Variants in ANAPC1 observed in about 807,000 individuals in gnomAD.
ANAPC1 encodes the protein anaphase-promoting complex subunit 1.
A neutral mutation model predicts 208.0 loss-of-function variants in ANAPC1; 36 were observed. The observed-to-expected ratio is 0.17, with a 90% CI of 0.13 to 0.23. The LOEUF is 0.23. Ranked by LOEUF, ANAPC1 falls within the 10% of genes least tolerant of loss-of-function variation. ANAPC1 has a pLI of 1.00. For missense variants in ANAPC1, 942 were observed against 2,011.6 expected, an observed-to-expected ratio of 0.47 and a Z score of 10.17; for synonymous variants, 378 against 695.2, an observed-to-expected ratio of 0.54 and a Z score of 7.18.
At chr2:111,848,991 C>T (rs1681242426) in intron 14 of ANAPC1, among the ~76,000 whole-genome samples, 1 of 152,236 alleles carries the variant, frequency 6.6e-6, no homozygotes, top group African/African-American at 2.4e-5. Context: ...TTACTATCTA[C>T]ATGCAGATGC....
intron 24 of ANAPC1, among the ~76,000 whole-genome samples, chr2:111,823,134 C>A (rs868670915): frequency 6.7e-6 from 1 of 149,170 alleles, no homozygotes; most frequent in Admixed American, 6.7e-5. Context: ...CTCAGCCTCC[C>A]GAGTAGCTGG....
At chr2:111,852,332 A>G (rs1681449178) in intron 13 of ANAPC1, among the ~76,000 whole-genome samples, 1 of 151,054 alleles carries the variant, frequency 6.6e-6, no homozygotes. Flanking sequence ...AGGCTTTCAA[A>G]GTGCCTATAA....
intron 38 of ANAPC1, among the ~76,000 whole-genome samples, chr2:111,791,002 G>A (rs1464797337): frequency 1.3e-5 from 2 of 152,192 alleles, no homozygotes; most frequent in Non-Finnish European, 2.9e-5. Context: ...GCACGGCAGT[G>A]TGAATATAAT....
Position 111,827,157 on chromosome 2 carries a change from A to C in ANAPC1, c.2626-1302T>G, listed in dbSNP as rs1679881507. On this transcript the variant is annotated intron_variant, in intron 21 of 47. Transcript: ENST00000341068. Reference sequence around the variant, plus strand: ...GTTATTTTCAGTCATTCCAACAGGTATCGAATAGTGCTCTCTCACTATCTA... The same window carrying C: ...GTTATTTTCAGTCATTCCAACAGGTCTCGAATAGTGCTCTCTCACTATCTA... Among the ~76,000 whole-genome samples, 3 of 152,288 alleles carry C rather than the reference A, an allele frequency of 2.0e-5. No homozygotes were observed. In the East Asian group the frequency reaches 5.8e-4, roughly 29 times the overall value.
chr2:111,812,596 T>C (rs1679049114), intron 28 of ANAPC1, among the ~76,000 whole-genome samples: 1 of 147,158 alleles, frequency 6.8e-6, no homozygotes, highest in African/African-American at 2.5e-5. Context: ...GAGGCTTTAA[T>C]TAAACACCCA....
chr2:111,850,733 T>TA (rs1681344347), intron 14 of ANAPC1, 43 bp downstream of exon 14: 1 of 1,591,686 alleles, frequency 6.3e-7, no homozygotes. Context: ...CAAACTTCTT[T>TA]AAAAAATGTT....
chr2:111,774,660 TA>T (rs58590453), intron 46 of ANAPC1, among the ~76,000 whole-genome samples: 96 of 4,460 alleles, frequency 0.022, 2 homozygotes, highest in African/African-American at 0.052. Flanking sequence ...TGACAAGTCT[TA>T]AAAAAAAAAA....
intron 15 of ANAPC1, 80 bp downstream of exon 15, chr2:111,847,645 T>C (rs1240220353): frequency 7.5e-7 from 1 of 1,330,144 alleles, no homozygotes; most frequent in Non-Finnish European, 9.8e-7. Flanking sequence ...TTGTTGTCAT[T>C]TTTCAGACAA....
At chr2:111,781,171 T>C (rs373184066) in intron 43 of ANAPC1, among the ~76,000 whole-genome samples, 6,652 of 146,434 alleles carry the variant, frequency 0.045, 167 homozygotes, top group Middle Eastern at 0.098. Context: ...TATTTTCCAC[T>C]GAGGTTTATA....
intron 17 of ANAPC1, among the ~76,000 whole-genome samples, chr2:111,842,201 T>C (rs1211339717): frequency 1.3e-5 from 2 of 152,236 alleles, no homozygotes; most frequent in Non-Finnish European, 2.9e-5. Context: ...AAATTTTTAA[T>C]GATACGGGAA....
chr2:111,773,284 C>T (rs1374440936), intron 46 of ANAPC1, among the ~76,000 whole-genome samples: 1 of 152,182 alleles, frequency 6.6e-6, no homozygotes, highest in Non-Finnish European at 1.5e-5. Context: ...AGAAGCAACT[C>T]TATTCTTCCT....
At chr2:111,770,201 TTATATATA>T (rs3055943) in intron 47 of ANAPC1, among the ~76,000 whole-genome samples, 18,489 of 81,506 alleles carry the variant, frequency 0.23, 1,611 homozygotes, top group Middle Eastern at 0.29. Context: ...TTGTTTAATT[TTATATATA>T]TATATATATA....
chr2:111,826,228 A>C (rs188474576), intron 21 of ANAPC1, among the ~76,000 whole-genome samples: 31 of 152,288 alleles, frequency 2.0e-4, no homozygotes, highest in African/African-American at 7.5e-4. Context: ...ATAACATAGA[A>C]TAATTCATCC....
rs1431437666 is a variant in ANAPC1, at chr2:111,799,013, G to A, written c.4296+1784C>T. Among the ~76,000 whole-genome samples, 10 of 150,024 alleles carry A rather than the reference G, an allele frequency of 6.7e-5. No individual in the cohort carries two copies. The South Asian group carries it at 1.5e-3, about 22-fold the overall frequency. ...CACACCACTGCACTCCAGCCTGGGC[G>A]ACAGAGCAAGACTCCATCTCAAAAA... On this transcript the variant is annotated intron_variant, in intron 34 of 47. Coordinates refer to ENST00000341068, the MANE Select transcript of ANAPC1 (RefSeq NM_022662.4).
At chr2:111,775,736 T>C (rs1341659994) in intron 46 of ANAPC1, among the ~76,000 whole-genome samples, 3 of 152,058 alleles carry the variant, frequency 2.0e-5, no homozygotes, top group Non-Finnish European at 4.4e-5. Context: ...TCTGCAAAGA[T>C]TTAAGGAAGT....
At chr2:111,864,449 C>CATATAT (rs57591480) in intron 8 of ANAPC1, among the ~76,000 whole-genome samples, 6,446 of 95,628 alleles carry the variant, frequency 0.067, 645 homozygotes, top group South Asian at 0.16. Context: ...ACTACTCTTT[C>CATATAT]ATATATATAT....
chr2:111,794,005 T>C (rs1573338997), intron 37 of ANAPC1, 73 bp downstream of exon 37: 1 of 946,128 alleles, frequency 1.1e-6, no homozygotes, highest in East Asian at 2.8e-5. Flanking sequence ...TGATAACACA[T>C]AAGTAACTGG....
intron 22 of ANAPC1, 70 bp from the exon 23 acceptor site, chr2:111,825,237 A>T (rs1679770939): frequency 6.4e-7 from 1 of 1,565,178 alleles, no homozygotes; most frequent in Non-Finnish European, 8.7e-7. Context: ...ACATGTAGAA[A>T]ACATTTGAAA....
chr2:111,862,927 A>C (rs1682157846), intron 9 of ANAPC1, among the ~76,000 whole-genome samples: 1 of 152,144 alleles, frequency 6.6e-6, no homozygotes, highest in African/African-American at 2.4e-5. Context: ...ATTTATCAAC[A>C]AAACAATGTC....
Sources: allele counts gnomAD v4.1 joint callset (sites outside exome capture counted in the v4.1 genomes callset), GRCh38; gene constraint gnomAD v4.1.1; transcripts MANE v1.5; gene names NCBI Gene and HGNC (gene_info 2026-07-23, HGNC 2026-07-21).